The following METTL22 variants were observed in gnomAD, a reference collection of about 807,000 sequenced individuals.
METTL22 encodes the protein methyltransferase-like protein 22.
Under a neutral mutation model 48.4 loss-of-function variants are expected in METTL22, and 51 were observed. That is an observed-to-expected ratio of 1.05 (90% CI 0.84 to 1.33). METTL22 has a LOEUF of 1.33. Ranked by LOEUF, METTL22 falls within the 40% of genes most tolerant of loss-of-function variation. The pLI is 0.00. For synonymous variants in METTL22, 255 were observed against 214.1 expected (o/e 1.19, Z -1.67); for missense variants, 678 against 526.9 (o/e 1.29, Z -2.81).
At position 8,628,828 on chromosome 16, in the gene METTL22, C is replaced by G; in HGVS notation, c.232C>G (p.Pro78Ala). 1 of 1,614,176 alleles carries G rather than the reference C, an allele frequency of 6.2e-7. No homozygotes were observed. The highest frequency in any genetic ancestry group is 8.5e-7 in the Non-Finnish European group (1 of 1,180,044). Reference sequence around the variant, plus strand: ...CAGAGATGTTCACACAAAGGAGCCTCCTTCTGCTGAGACAGGCAGCACAGG... The same window carrying G: ...CAGAGATGTTCACACAAAGGAGCCTGCTTCTGCTGAGACAGGCAGCACAGG... ...SHRDVHTKEP[P>A]SAETGSTGSP... Residue 78 changes from proline (P) to alanine (A), a missense_variant, in exon 3 of 11, where the codon CCT becomes GCT. Pro to Ala is a conservative substitution (Grantham distance 27). Transcript: ENST00000381920.
the METTL22 span, among the ~76,000 whole-genome samples, chr16:8,665,592 C>A: frequency 6.6e-6 from 1 of 152,212 alleles, no homozygotes; most frequent in Non-Finnish European, 1.5e-5. Context: ...AAGTACCCAG[C>A]TTGAAGAAAG....
At chr16:8,651,442 T>G (rs916070115), downstream of METTL22, among the ~76,000 whole-genome samples, 4 of 149,714 alleles carry the variant, frequency 2.7e-5, no homozygotes, top group Non-Finnish European at 5.9e-5. Flanking sequence ...AGAGTCATAC[T>G]TGGCCCTGGT....
chr16:8,623,880 C>T (rs926289240), intron 1 of METTL22: 12 of 152,202 alleles, frequency 7.9e-5, no homozygotes, highest in African/African-American at 2.9e-4. Context: ...CTGAAGATTT[C>T]ATGACATCTA....
At chr16:8,663,216 A>AC in the METTL22 span, among the ~76,000 whole-genome samples, 3 of 87,380 alleles carry the variant, frequency 3.4e-5, no homozygotes, top group Non-Finnish European at 6.8e-5. Flanking sequence ...CAAAAAAAAA[A>AC]AAAAAAAAAG....
the METTL22 span, chr16:8,666,797 T>TC: frequency 1.3e-5 from 2 of 150,796 alleles, no homozygotes; most frequent in African/African-American, 2.4e-5. Context: ...TTTTTTTTTT[T>TC]TTCTTTGAGA....
chr16:8,626,845 C>G lies in METTL22; in HGVS notation c.133+1047C>G, dbSNP rs1007388297. 2.8e-5 allele frequency among the ~76,000 whole-genome samples: 4 copies of G among 141,754 alleles called. No individual in the cohort carries two copies. In the East Asian group the frequency reaches 8.4e-4, roughly 30 times the overall value. The allele number at this position is 141,754 out of a possible 152,430, so 93.0% of individuals were successfully genotyped here. On this transcript the variant is annotated intron_variant, in intron 2 of 10. Coordinates refer to ENST00000381920, the MANE Select transcript of METTL22 (RefSeq NM_024109.4). ...AGTGGCATGCGATCTCGGCTCACTG[C>G]AAGCTCCGCCTCCCGGGTTCACGCC... is the stretch of plus-strand genomic sequence containing the variant.
intron 2 of METTL22, among the ~76,000 whole-genome samples, chr16:8,626,684 G>C (rs1320995390): frequency 6.6e-6 from 1 of 150,732 alleles, no homozygotes; most frequent in Non-Finnish European, 1.5e-5. Flanking sequence ...TCTGACCTCA[G>C]GTGATCCTCC....
downstream of METTL22, among the ~76,000 whole-genome samples, chr16:8,654,460 C>G (rs541715543): frequency 2.0e-5 from 3 of 152,150 alleles, no homozygotes; most frequent in African/African-American, 4.8e-5. Context: ...ATGTTATATA[C>G]ATGTATTTTG....
intron 5 of METTL22, among the ~76,000 whole-genome samples, chr16:8,637,060 AAGAG>A (rs534220313): frequency 9.6e-4 from 146 of 152,228 alleles, no homozygotes; most frequent in Non-Finnish European, 1.5e-3. Context: ...ACCTGTTTAC[AAGAG>A]AGTAGTGATC....
intron 9 of METTL22, among the ~76,000 whole-genome samples, chr16:8,643,845 C>T (rs1024504153): frequency 6.6e-6 from 1 of 152,138 alleles, no homozygotes; most frequent in Non-Finnish European, 1.5e-5. Context: ...AACTCCTGAC[C>T]TCAGGTGATC....
downstream of METTL22, among the ~76,000 whole-genome samples, chr16:8,652,407 C>T (rs762108023): frequency 7.0e-6 from 1 of 142,740 alleles, no homozygotes; most frequent in Non-Finnish European, 1.5e-5. Flanking sequence ...TGCAATGAGC[C>T]GAGATCATGC....
At chr16:8,656,342 C>T in the METTL22 span, among the ~76,000 whole-genome samples, 1 of 152,174 alleles carries the variant, frequency 6.6e-6, no homozygotes, top group East Asian at 1.9e-4. Context: ...TCCTCCACCC[C>T]CACTTCCTAA....
chr16:8,666,853 C>T, the METTL22 span: 1 of 150,128 alleles, frequency 6.7e-6, no homozygotes, highest in African/African-American at 2.5e-5. Context: ...ATGGTACCAT[C>T]TCGGCTCACT....
At chr16:8,644,524 G>A (rs766380352) in intron 9 of METTL22, 33 bp from the exon 10 acceptor site, 1 of 1,518,660 alleles carries the variant, frequency 6.6e-7, no homozygotes, top group South Asian at 1.3e-5. Flanking sequence ...CATTGATGAT[G>A]GCAGTTTGTG....
At chr16:8,660,676 G>A in the METTL22 span, among the ~76,000 whole-genome samples, 1 of 151,664 alleles carries the variant, frequency 6.6e-6, no homozygotes, top group Non-Finnish European at 1.5e-5. Context: ...GGCAGTGTTG[G>A]TAAGTACTAG....
Position 8,635,187 on chromosome 16 carries a change from T to A in METTL22, c.575T>A (p.Leu192His). ...CTCCAGGTGTGGCGGGGCGCCCTGC[T>A]CCTGGCAGACTACATCCTGTTCCGA... ...VGKQVWRGAL[L>H]LADYILFRQD... The change falls in exon 5 of 11, where the codon CTC becomes CAC. Residue 192 changes from leucine (L) to histidine (H), a missense_variant. Leu to His is a moderately conservative substitution (Grantham distance 99). Transcript: ENST00000381920. 6.2e-7 allele frequency: 1 copy of A among 1,610,892 alleles called. No individual in the cohort carries two copies. Among genetic ancestry groups the A allele is most frequent in the South Asian group, 1.1e-5 (1 of 90,752 alleles).
intron 7 of METTL22, 64 bp from the exon 8 acceptor site, chr16:8,642,063 C>T: frequency 7.7e-7 from 1 of 1,293,894 alleles, no homozygotes; most frequent in Non-Finnish European, 1.1e-6. Context: ...TGGTCAGTCC[C>T]AGTGAGAGTT....
chr16:8,635,045 C>A lies in METTL22; in HGVS notation c.521C>A (p.Thr174Asn), dbSNP rs1188664034. The A allele has an allele frequency of 6.2e-7, 1 of 1,613,638 alleles. No homozygotes were observed. Among genetic ancestry groups the A allele is most frequent in the Non-Finnish European group, 8.5e-7 (1 of 1,180,042 alleles). Reference protein sequence around the residue: ...SPHDIIRIEHTMATPLEDVGK... With the variant: ...SPHDIIRIEHNMATPLEDVGK... The stretch of plus-strand genomic sequence containing the variant: ...TGGTTTCTGTCCCATCCAGAGCACA[C>A]CATGGCCACGCCCCTGGAGGATGTT... Residue 174 changes from threonine to asparagine, a missense_variant, in exon 4 of 11, where the codon ACC becomes AAC. Coordinates refer to ENST00000381920, the MANE Select transcript of METTL22 (RefSeq NM_024109.4).
the METTL22 span, among the ~76,000 whole-genome samples, chr16:8,661,870 G>A: frequency 6.9e-6 from 1 of 144,864 alleles, no homozygotes; most frequent in East Asian, 2.0e-4. Context: ...ACTGTGCCCA[G>A]CCTCCTGTAC....
Sources: gnomAD v4.1 joint callset for allele counts (sites outside exome capture counted in the v4.1 genomes callset) on GRCh38, gnomAD v4.1.1 for gene constraint, MANE v1.5 for transcripts, NCBI Gene and HGNC (gene_info 2026-07-23, HGNC 2026-07-21) for gene names.